The following SCN2A variants were observed in gnomAD, a reference collection of about 807,000 sequenced individuals.
SCN2A encodes the protein sodium voltage-gated channel alpha subunit 2.
Under a neutral mutation model 188.7 loss-of-function variants are expected in SCN2A, and 20 were observed. The observed-to-expected ratio is 0.11, with a 90% CI of 0.07 to 0.15. The LOEUF is 0.15. SCN2A is among the 10% of genes least tolerant of loss of function. The pLI, the probability that SCN2A is intolerant of heterozygous loss-of-function variation, is 1.00. For synonymous variants in SCN2A, 804 were observed against 833.1 expected (o/e 0.97, Z 0.60); for missense variants, 1,278 against 2,445.0 (o/e 0.52, Z 10.07).
chr2:165,344,068 G>A (rs1699443167), intron 15 of SCN2A, among the ~76,000 whole-genome samples: 1 of 151,998 alleles, frequency 6.6e-6, no homozygotes, highest in Admixed American at 6.6e-5. Flanking sequence ...CTCTGAAACT[G>A]GATCTCTGCT....
At chr2:165,369,486 G>T (rs919691847) in intron 19 of SCN2A, among the ~76,000 whole-genome samples, 1 of 152,156 alleles carries the variant, frequency 6.6e-6, no homozygotes, top group Admixed American at 6.5e-5. Context: ...ATGTTCCTTT[G>T]TCTTTAATCC....
intron 26 of SCN2A, 60 bp downstream of exon 26, chr2:165,387,076 A>G: frequency 6.6e-7 from 1 of 1,517,702 alleles, no homozygotes; most frequent in Non-Finnish European, 9.1e-7. Context: ...GTGTTTTAAA[A>G]CTTTAGAGGT....
Position 165,390,037 on chromosome 2 carries a change from T to G in SCN2A, c.*213T>G. 1 of 703,386 alleles carries G rather than the reference T, an allele frequency of 1.4e-6. No homozygotes were observed. The highest frequency in any genetic ancestry group is 2.2e-6 in the Non-Finnish European group (1 of 451,342). The allele number at this position is 703,386 out of a possible 1,614,324, so 43.6% of individuals were successfully genotyped here. A position where few individuals can be genotyped will look rare whatever the true frequency, so the allele number is the denominator to read the frequency against. On this transcript the variant is annotated 3_prime_UTR_variant, in exon 27 of 27. Coordinates refer to ENST00000375437, the MANE Select transcript of SCN2A (RefSeq NM_001040142.2). ...AGAAATAGTATCGATGGGAGGTTTC[T>G]ATTTTCACAACCAGCTGACACTGCT...
intron 22 of SCN2A, 59 bp from the exon 23 acceptor site, chr2:165,377,538 A>G: frequency 7.1e-7 from 1 of 1,403,066 alleles, no homozygotes; most frequent in Non-Finnish European, 1.0e-6. Context: ...CAATTATTCA[A>G]TTTATTTTCT....
chr2:165,253,168 G>T (rs1229315244), intron 1 of SCN2A, among the ~76,000 whole-genome samples: 1 of 152,002 alleles, frequency 6.6e-6, no homozygotes, highest in African/African-American at 2.4e-5. Context: ...ACATAAACTG[G>T]AACAGAAGAT....
intron 16 of SCN2A, among the ~76,000 whole-genome samples, chr2:165,350,460 CTTTCTTTTTT>C (rs1317259786): frequency 0.029 from 2,269 of 77,870 alleles, 135 homozygotes; most frequent in African/African-American, 0.09. Context: ...GAACTGTTTT[CTTTCTTTTTT>C]TTTTTTTTTT....
chr2:165,298,406 G>A (rs1696620981), intron 3 of SCN2A, among the ~76,000 whole-genome samples: 1 of 152,118 alleles, frequency 6.6e-6, no homozygotes, highest in South Asian at 2.1e-4. Flanking sequence ...CTCCCAGTAT[G>A]GCAAATGTTG....
chr2:165,386,681 C>G, intron 25 of SCN2A, 65 bp from the exon 26 acceptor site: 1 of 1,488,174 alleles, frequency 6.7e-7, no homozygotes, highest in Non-Finnish European at 9.3e-7. Context: ...TTCTTAAAAT[C>G]AGAAGAATTG....
In SCN2A at chr2:165,308,766, T is replaced by A; in HGVS notation, c.577T>A (p.Trp193Arg). 6.2e-7 allele frequency: 1 copy of A among 1,612,928 alleles called. No homozygotes were observed. The highest frequency in any genetic ancestry group is 8.5e-7 in the Non-Finnish European group (1 of 1,179,114). ...CACATTTTTACGGGATCCATGGAAT[T>A]GGTTGGATTTCACAGTCATTACTTT... ...DFTFLRDPWN[W>R]LDFTVITFAY... Residue 193 changes from tryptophan to arginine, a missense_variant, in exon 5 of 27, where the codon TGG (tryptophan) becomes AGG (arginine). By Grantham distance (101) the Trp-to-Arg change is moderately radical. Transcript: ENST00000375437.
chr2:165,315,329 T>C (rs1697673356), intron 10 of SCN2A, 142 bp from the exon 11 acceptor site: 4 of 1,332,454 alleles, frequency 3.0e-6, no homozygotes, highest in Non-Finnish European at 4.1e-6. Flanking sequence ...CTAATAACAA[T>C]GTACTGTTTT....
At chr2:165,354,086 T>G in intron 16 of SCN2A, 106 bp from the exon 17 acceptor site, 1 of 1,345,496 alleles carries the variant, frequency 7.4e-7, no homozygotes, top group Non-Finnish European at 1.1e-6. Context: ...CAGAAATGCA[T>G]GTTAGAATAA....
chr2:165,306,505 TG>T (rs1559350242), intron 3 of SCN2A, among the ~76,000 whole-genome samples: 66 of 528 alleles, frequency 0.12, no homozygotes, highest in South Asian at 0.25. Context: ...AATGGTATTT[TG>T]TGTGTGTGTG....
intron 19 of SCN2A, among the ~76,000 whole-genome samples, chr2:165,368,319 G>A (rs1296747302): frequency 6.6e-6 from 1 of 152,068 alleles, no homozygotes; most frequent in Non-Finnish European, 1.5e-5. Context: ...CTGAGTTCTG[G>A]GCTTTATATA....
intron 13 of SCN2A, 31 bp from the exon 14 acceptor site, chr2:165,331,299 T>C: frequency 6.6e-7 from 1 of 1,522,298 alleles, no homozygotes; most frequent in Non-Finnish European, 9.1e-7. Flanking sequence ...GTAAGCAGTT[T>C]TCATGAGGAT....
intron 3 of SCN2A, among the ~76,000 whole-genome samples, chr2:165,301,699 G>C (rs1696817149): frequency 6.6e-6 from 1 of 152,270 alleles, no homozygotes; most frequent in African/African-American, 2.4e-5. Flanking sequence ...AGCAGCAACT[G>C]CTGTAAGATT....
chr2:165,338,304 G>A (rs1247887506), intron 14 of SCN2A, among the ~76,000 whole-genome samples: 2 of 142,730 alleles, frequency 1.4e-5, no homozygotes, highest in African/African-American at 5.3e-5. Flanking sequence ...CTCTCGCCCA[G>A]GCTGGAGTGC....
At chr2:165,378,693 C>T (rs979556687) in intron 23 of SCN2A, among the ~76,000 whole-genome samples, 4 of 151,740 alleles carry the variant, frequency 2.6e-5, no homozygotes, top group Admixed American at 6.6e-5. Context: ...CTCTCTCCAC[C>T]TTCCTTATCA....
chr2:165,291,520 C>T (rs1394901246), intron 1 of SCN2A, among the ~76,000 whole-genome samples: 5 of 67,942 alleles, frequency 7.4e-5, no homozygotes, highest in Admixed American at 2.0e-4. Context: ...TCTTCCTCTC[C>T]TTTCTTTCCT....
At chr2:165,332,695 TA>T (rs577138354) in intron 14 of SCN2A, among the ~76,000 whole-genome samples, 1 of 151,672 alleles carries the variant, frequency 6.6e-6, no homozygotes, top group Admixed American at 6.6e-5. Flanking sequence ...ACATTATTTC[TA>T]AAAAAAAGCA....
Sources: allele counts gnomAD v4.1 joint callset (sites outside exome capture counted in the v4.1 genomes callset), GRCh38; gene constraint gnomAD v4.1.1; transcripts MANE v1.5; gene names NCBI Gene and HGNC (gene_info 2026-07-23, HGNC 2026-07-21).